Variants in ELAVL2 observed in about 807,000 individuals in gnomAD.
ELAVL2 encodes ELAV like RNA binding protein 2, also known as ELAV-like protein 2.
In ELAVL2, 4 loss-of-function variants were observed where a neutral mutation model predicts 34.6. The ratio of observed to expected loss-of-function variants is 0.12; its 90% CI spans 0.06 to 0.26. The LOEUF (loss-of-function observed/expected upper bound fraction) is 0.26, where lower values mean the gene tolerates loss of function less well. Ranked by LOEUF, ELAVL2 falls within the 10% of genes least tolerant of loss-of-function variation. The pLI is 1.00. For synonymous variants in ELAVL2, 193 were observed against 154.8 expected (o/e 1.25, Z -1.83); for missense variants, 432 against 442.8 (o/e 0.98, Z 0.22).
chr9:23,800,010 G>A (rs1162236261), intron 1 of ELAVL2, among the ~76,000 whole-genome samples: 1 of 152,126 alleles, frequency 6.6e-6, no homozygotes, highest in African/African-American at 2.4e-5. Flanking sequence ...GATTTGAAGA[G>A]TATTAGAGAA....
chr9:23,825,297 T>TA (rs3838732), intron 1 of ELAVL2, among the ~76,000 whole-genome samples: 19,541 of 152,168 alleles, frequency 0.13, 1,561 homozygotes, highest in Middle Eastern at 0.19. Flanking sequence ...GTGCAGCATC[T>TA]AAATTCCATC....
At chr9:23,783,218 C>G (rs951055468) in intron 1 of ELAVL2, among the ~76,000 whole-genome samples, 27 of 152,166 alleles carry the variant, frequency 1.8e-4, no homozygotes, top group African/African-American at 4.8e-4. Context: ...CAGAATTATC[C>G]TTACCTCATT....
intron 5 of ELAVL2, among the ~76,000 whole-genome samples, chr9:23,700,840 G>C (rs890511622): frequency 6.6e-6 from 1 of 151,208 alleles, no homozygotes; most frequent in Admixed American, 6.6e-5. Flanking sequence ...AACAGAAACA[G>C]CTTGACCTAA....
the ELAVL2 span, among the ~76,000 whole-genome samples, chr9:23,847,874 T>C: frequency 6.6e-6 from 1 of 152,056 alleles, no homozygotes; most frequent in Non-Finnish European, 1.5e-5. Flanking sequence ...CCAGCTTATT[T>C]TAAATAATAA....
At chr9:23,712,168 G>A (rs1414035438) in intron 3 of ELAVL2, among the ~76,000 whole-genome samples, 1 of 152,136 alleles carries the variant, frequency 6.6e-6, no homozygotes, top group Non-Finnish European at 1.5e-5. Context: ...GAAATAGGAA[G>A]ACTGAGGCAC....
intron 1 of ELAVL2, among the ~76,000 whole-genome samples, chr9:23,773,940 A>G (rs950806549): frequency 5.3e-5 from 8 of 152,004 alleles, no homozygotes; most frequent in Non-Finnish European, 4.4e-5. Flanking sequence ...GGCCTGGCGC[A>G]GTGGCTCACA....
Position 23,692,030 on chromosome 9 carries a change from A to G in ELAVL2, c.*527T>C, listed in dbSNP as rs1432002589. ...CCCCCCTTCCCCAACCCAAATCATA[A>G]TTACAAAATAAATACTGTTTTAAAC... On this transcript the variant is annotated 3_prime_UTR_variant, in exon 7 of 7. Transcript: ENST00000397312. 2.0e-5 allele frequency: 3 copies of G among 153,128 alleles called. No individual in the cohort carries two copies. The highest frequency in any genetic ancestry group is 6.5e-5 in the Admixed American group (1 of 15,322). 9.5% of individuals were successfully genotyped at this position (153,128 alleles called of 1,614,324 possible). A position where few individuals can be genotyped will look rare whatever the true frequency, so the allele number is the denominator to read the frequency against.
rs187188120 is a variant in ELAVL2, at chr9:23,795,369, T to C, written c.-16+30437A>G. Among the ~76,000 whole-genome samples the C allele has an allele frequency of 7.2e-4, 109 of 151,820 alleles. No homozygotes were observed. The Middle Eastern group carries it at 0.014, about 19-fold the overall frequency. On this transcript the variant is annotated intron_variant, in intron 1 of 6. Coordinates refer to ENST00000397312, the MANE Select transcript of ELAVL2 (RefSeq NM_004432.5). The stretch of plus-strand genomic sequence containing the variant: ...GAACAGCGTGGCCAACATGGTAAAA[T>C]CCCATCTCTACTAAAAATACAAAAT...
chr9:23,731,629 T>C (rs1357883593), intron 2 of ELAVL2, among the ~76,000 whole-genome samples: 3 of 152,168 alleles, frequency 2.0e-5, no homozygotes, highest in East Asian at 1.9e-4. Flanking sequence ...TGAAGAACCA[T>C]GTGTGGGCGT....
chr9:23,777,735 A>G (rs1588405006), intron 1 of ELAVL2, among the ~76,000 whole-genome samples: 2 of 152,238 alleles, frequency 1.3e-5, no homozygotes, highest in South Asian at 4.1e-4. Flanking sequence ...CCATCAATTA[A>G]GGAAGAACAA....
chr9:23,731,340 GA>G (rs5897060), intron 2 of ELAVL2, among the ~76,000 whole-genome samples: 14 of 148,942 alleles, frequency 9.4e-5, no homozygotes, highest in African/African-American at 2.0e-4. Context: ...TGCTGTTTAG[GA>G]AAAAAAAAAC....
the ELAVL2 span, among the ~76,000 whole-genome samples, chr9:23,844,085 T>G: frequency 8.5e-5 from 13 of 152,078 alleles, no homozygotes; most frequent in Admixed American, 3.9e-4. Context: ...AAAAAGTCAG[T>G]AAGCAAAATT....
intron 1 of ELAVL2, among the ~76,000 whole-genome samples, chr9:23,768,266 C>A: frequency 6.6e-6 from 1 of 152,262 alleles, no homozygotes; most frequent in South Asian, 2.1e-4. Flanking sequence ...CTTCACTCTT[C>A]TAGCTTTGTT....
At chr9:23,756,270 G>A (rs1218490653) in intron 2 of ELAVL2, among the ~76,000 whole-genome samples, 3 of 152,170 alleles carry the variant, frequency 2.0e-5, no homozygotes, top group African/African-American at 7.2e-5. Flanking sequence ...CTGGGGCATG[G>A]CAGGAGCCTT....
intron 1 of ELAVL2, among the ~76,000 whole-genome samples, chr9:23,806,584 A>T (rs556270283): frequency 6.6e-6 from 1 of 152,266 alleles, no homozygotes; most frequent in African/African-American, 2.4e-5. Flanking sequence ...GTTACAGTTA[A>T]CTATGATCAT....
chr9:23,727,349 G>GT (rs903255754), intron 3 of ELAVL2, among the ~76,000 whole-genome samples: 2 of 152,190 alleles, frequency 1.3e-5, no homozygotes, highest in East Asian at 1.9e-4. Flanking sequence ...TCTATGCCAT[G>GT]TTTTTTTATA....
At chr9:23,801,314 G>C (rs1479217021) in intron 1 of ELAVL2, among the ~76,000 whole-genome samples, 1 of 152,010 alleles carries the variant, frequency 6.6e-6, no homozygotes, top group African/African-American at 2.4e-5. Flanking sequence ...AATTTTCTCA[G>C]GTAGAAGATT....
upstream of ELAVL2, among the ~76,000 whole-genome samples, chr9:23,826,890 T>C (rs2065331478): frequency 6.6e-6 from 1 of 152,246 alleles, no homozygotes; most frequent in Non-Finnish European, 1.5e-5. Flanking sequence ...TATGTCTTTA[T>C]TTTAATATAC....
At chr9:23,718,401 C>T (rs977357392) in intron 3 of ELAVL2, among the ~76,000 whole-genome samples, 8 of 152,076 alleles carry the variant, frequency 5.3e-5, no homozygotes, top group African/African-American at 1.9e-4. Context: ...TATACATACA[C>T]AAAGAAGTTA....
Sources: allele counts gnomAD v4.1 joint callset (sites outside exome capture counted in the v4.1 genomes callset), GRCh38; gene constraint gnomAD v4.1.1; transcripts MANE v1.5; gene names NCBI Gene and HGNC (gene_info 2026-07-23, HGNC 2026-07-21).